RIMS2: variants seen among roughly 807,000 people sequenced by gnomAD.
RIMS2 encodes regulating synaptic membrane exocytosis protein 2.
In RIMS2, 59 loss-of-function variants were observed where a neutral mutation model predicts 174.4. The ratio of observed to expected loss-of-function variants is 0.34; its 90% CI spans 0.27 to 0.42. The LOEUF (loss-of-function observed/expected upper bound fraction) is 0.42. Ranked by LOEUF, RIMS2 falls within the 10% of genes least tolerant of loss-of-function variation. The pLI is 1.00. For synonymous variants in RIMS2, 606 were observed against 572.5 expected (o/e 1.06, Z -0.84); for missense variants, 1,620 against 1,666.3 (o/e 0.97, Z 0.48).
intron 2 of RIMS2, among the ~76,000 whole-genome samples, chr8:103,754,012 T>A (rs1231689401): frequency 1.3e-5 from 2 of 152,198 alleles, no homozygotes. Context: ...TTCTTTTAAT[T>A]GTGATGTTAG....
intron 3 of RIMS2, among the ~76,000 whole-genome samples, chr8:103,831,434 G>A (rs1028389181): frequency 1.3e-5 from 2 of 152,068 alleles, no homozygotes; most frequent in African/African-American, 4.8e-5. Context: ...AGAGTGACTC[G>A]AGGTCAGTGG....
intron 16 of RIMS2, among the ~76,000 whole-genome samples, chr8:103,979,368 T>G (rs2093700292): frequency 6.6e-6 from 1 of 152,170 alleles, no homozygotes; most frequent in African/African-American, 2.4e-5. Context: ...GGTACACTAT[T>G]GGTTGCAATG....
At chr8:103,692,198 C>CT (rs2097036005) in intron 1 of RIMS2, among the ~76,000 whole-genome samples, 1 of 152,186 alleles carries the variant, frequency 6.6e-6, no homozygotes, top group African/African-American at 2.4e-5. Context: ...CTCACAGCAA[C>CT]CACTGCCTGA....
intron 11 of RIMS2, among the ~76,000 whole-genome samples, chr8:103,929,322 T>C (rs2079419670): frequency 6.6e-6 from 1 of 151,754 alleles, no homozygotes; most frequent in Admixed American, 6.6e-5. Context: ...AATATATATC[T>C]CAAATGCTAG....
rs529204054 is a variant in RIMS2 at position 104,141,058 on chromosome 8, G to T, written c.3335-103858G>T. 2.5e-3 allele frequency among the ~76,000 whole-genome samples: 373 copies of T among 152,164 alleles called. 2 individuals are homozygous for T. Among genetic ancestry groups the T allele is most frequent in the African/African-American group, 7.8e-3 (324 of 41,522 alleles). On this transcript the variant is annotated intron_variant, in intron 19 of 23. Coordinates refer to ENST00000504942, the Ensembl canonical transcript of RIMS2. Reference sequence around the variant, plus strand: ...CATGAACATTTTAAATGTAGTTTTTGTGCTTAATTGTTTTTAAAGAAGACA... The same window carrying T: ...CATGAACATTTTAAATGTAGTTTTTTTGCTTAATTGTTTTTAAAGAAGACA...
At chr8:103,580,609 A>G (rs1043355682) in intron 1 of RIMS2, among the ~76,000 whole-genome samples, 6 of 152,158 alleles carry the variant, frequency 3.9e-5, no homozygotes, top group Non-Finnish European at 8.8e-5. Flanking sequence ...CAGTAATAGC[A>G]GGGGACACAT....
chr8:104,178,726 A>G (rs1415184098), intron 19 of RIMS2, among the ~76,000 whole-genome samples: 3 of 152,134 alleles, frequency 2.0e-5, no homozygotes, highest in African/African-American at 7.2e-5. Context: ...TTGATACTAC[A>G]TGCTTTAGTG....
chr8:103,623,931 A>G (rs553448618), intron 1 of RIMS2, among the ~76,000 whole-genome samples: 2 of 145,260 alleles, frequency 1.4e-5, no homozygotes, highest in East Asian at 3.9e-4. Flanking sequence ...GATTTTTCTC[A>G]GTGTCTTAAG....
intron 19 of RIMS2, among the ~76,000 whole-genome samples, chr8:104,031,011 A>G (rs868552088): frequency 7.9e-5 from 12 of 152,294 alleles, no homozygotes; most frequent in Admixed American, 3.3e-4. Context: ...TATTTATTAA[A>G]TGAATGATTG....
chr8:103,776,105 T>C lies in RIMS2; in HGVS notation c.698+9568T>C, dbSNP rs915276988. Among the ~76,000 whole-genome samples the C allele has an allele frequency of 7.2e-5, 11 of 152,214 alleles. No homozygotes were observed. The East Asian group carries it at 2.1e-3, about 29-fold the overall frequency. On this transcript the variant is annotated intron_variant, in intron 3 of 23. Transcript: ENST00000504942. ...AATAAGCTGGGGTGAGTTTGGAAGGTCTCCATTTTGTACTTACATACTGCT... is the reference window on the plus strand; with the variant it reads ...AATAAGCTGGGGTGAGTTTGGAAGGCCTCCATTTTGTACTTACATACTGCT...
At chr8:103,826,497 C>T (rs1273743336) in intron 3 of RIMS2, among the ~76,000 whole-genome samples, 1 of 151,642 alleles carries the variant, frequency 6.6e-6, no homozygotes, top group Admixed American at 6.6e-5. Flanking sequence ...GGTTTCTATT[C>T]TTCATTGGAT....
intron 19 of RIMS2, among the ~76,000 whole-genome samples, chr8:104,222,676 AC>A (rs2099160925): frequency 6.6e-6 from 1 of 152,250 alleles, no homozygotes; most frequent in Non-Finnish European, 1.5e-5. Context: ...CTTATAAACT[AC>A]TTTGCCCTAG....
chr8:103,779,282 C>G (rs2098357416), intron 3 of RIMS2, among the ~76,000 whole-genome samples: 1 of 152,088 alleles, frequency 6.6e-6, no homozygotes, highest in Non-Finnish European at 1.5e-5. Context: ...TTTGCTTTGG[C>G]TGCCTGTGAT....
In RIMS2 at chr8:104,002,183, T is replaced by A. The variant is rs181203952; in HGVS notation, c.3045-11259T>A. Among the ~76,000 whole-genome samples, 22 of 151,010 alleles carry A rather than the reference T, an allele frequency of 1.5e-4. No individual in the cohort carries two copies. The South Asian group carries it at 4.2e-3, about 29-fold the overall frequency. On this transcript the variant is annotated intron_variant, in intron 17 of 23. Transcript: ENST00000504942. Reference sequence around the variant, plus strand: ...GCCCTTGGACTCCATGATTGCACACTTTTTTTTTCTTATTGTTTCATTAAG... The same window carrying A: ...GCCCTTGGACTCCATGATTGCACACATTTTTTTTCTTATTGTTTCATTAAG...
At chr8:103,521,233 T>A (rs1831525512) in intron 1 of RIMS2, among the ~76,000 whole-genome samples, 1 of 151,870 alleles carries the variant, frequency 6.6e-6, no homozygotes, top group African/African-American at 2.4e-5. Flanking sequence ...CATGTATACA[T>A]ATGTAACAAA....
At chr8:103,594,940 A>G (rs1304474374) in intron 1 of RIMS2, among the ~76,000 whole-genome samples, 3 of 151,782 alleles carry the variant, frequency 2.0e-5, no homozygotes, top group Non-Finnish European at 4.4e-5. Context: ...ATAGCTCATG[A>G]TTATTCATTC....
At chr8:103,530,809 G>A (rs1836691336) in intron 1 of RIMS2, among the ~76,000 whole-genome samples, 1 of 151,852 alleles carries the variant, frequency 6.6e-6, no homozygotes, top group African/African-American at 2.4e-5. Flanking sequence ...AGACAAGACA[G>A]ATCTATGGTG....
At chr8:103,956,286 T>C (rs971692447) in intron 14 of RIMS2, among the ~76,000 whole-genome samples, 6 of 152,156 alleles carry the variant, frequency 3.9e-5, no homozygotes, top group Non-Finnish European at 7.3e-5. Context: ...AGAGTCCACA[T>C]AGCCAAGACA....
chr8:104,003,532 G>C (rs1382127908), intron 17 of RIMS2, among the ~76,000 whole-genome samples: 1 of 151,858 alleles, frequency 6.6e-6, no homozygotes, highest in East Asian at 1.9e-4. Flanking sequence ...TCCTGCCTCA[G>C]CCTCCTGAGT....
Sources: gnomAD v4.1 joint callset for allele counts (sites outside exome capture counted in the v4.1 genomes callset) on GRCh38, gnomAD v4.1.1 for gene constraint, MANE v1.5 for transcripts, NCBI Gene and HGNC (gene_info 2026-07-23, HGNC 2026-07-21) for gene names.